Variants in SECISBP2L observed in about 807,000 individuals in gnomAD.
SECISBP2L encodes SECIS binding protein 2 like, also known as selenocysteine insertion sequence-binding protein 2-like.
A neutral mutation model predicts 114.7 loss-of-function variants in SECISBP2L; 43 were observed. The observed-to-expected ratio is 0.38, with a 90% CI of 0.29 to 0.48. The LOEUF (loss-of-function observed/expected upper bound fraction) is 0.48, where lower values mean the gene tolerates loss of function less well. Among genes scored for constraint, SECISBP2L ranks in the 20% least tolerant of loss-of-function variants. SECISBP2L has a pLI of 0.98. For synonymous variants in SECISBP2L, 451 were observed against 439.7 expected (o/e 1.03, Z -0.32); for missense variants, 1,136 against 1,301.1 (o/e 0.87, Z 1.95).
At chr15:48,996,753 T>G (rs947254430) in intron 16 of SECISBP2L, among the ~76,000 whole-genome samples, 167 bp from the exon 17 acceptor site, 2 of 152,244 alleles carry the variant, frequency 1.3e-5, no homozygotes, top group African/African-American at 4.8e-5. Flanking sequence ...CTCTGTAACT[T>G]ACATTTACTG....
chr15:49,028,969 C>CTGG (rs1213402356), intron 4 of SECISBP2L, among the ~76,000 whole-genome samples: 5 of 152,108 alleles, frequency 3.3e-5, no homozygotes, highest in Non-Finnish European at 7.4e-5. Flanking sequence ...AGCAATCCTT[C>CTGG]TACCTCAGCC....
intron 7 of SECISBP2L, among the ~76,000 whole-genome samples, chr15:49,025,068 C>A (rs1055893823): frequency 1.1e-4 from 16 of 152,152 alleles, no homozygotes; most frequent in African/African-American, 3.9e-4. Flanking sequence ...ACAGTCTCAA[C>A]AGAAAATTTC....
chr15:49,013,554 C>T (rs1052272899), intron 11 of SECISBP2L, among the ~76,000 whole-genome samples: 2 of 152,228 alleles, frequency 1.3e-5, no homozygotes, highest in Non-Finnish European at 2.9e-5. Context: ...GCTGGCCTCC[C>T]AAAGTGCTGG....
At chr15:49,000,031 A>C in intron 15 of SECISBP2L, 44 bp from the exon 16 acceptor site, 1 of 1,603,282 alleles carries the variant, frequency 6.2e-7, no homozygotes, top group Non-Finnish European at 8.5e-7. Flanking sequence ...TGTTGCCTAC[A>C]TGGAGCTAAT....
intron 7 of SECISBP2L, 135 bp downstream of exon 7, chr15:49,027,230 A>C (rs1401566595): frequency 2.8e-5 from 15 of 535,144 alleles, no homozygotes; most frequent in Admixed American, 3.1e-5. Flanking sequence ...TTATTAGCTA[A>C]GCCATTTTAA....
chr15:49,018,077 C>T (rs1902571489), intron 8 of SECISBP2L, among the ~76,000 whole-genome samples: 1 of 152,022 alleles, frequency 6.6e-6, no homozygotes, highest in South Asian at 2.1e-4. Context: ...TTAATATCTT[C>T]CTTTTTCCTG....
At chr15:48,997,638 G>T (rs1356899954) in intron 16 of SECISBP2L, among the ~76,000 whole-genome samples, 1 of 152,148 alleles carries the variant, frequency 6.6e-6, no homozygotes, top group Non-Finnish European at 1.5e-5. Context: ...CACCACTTTG[G>T]GAGGCCAAGG....
intron 7 of SECISBP2L, among the ~76,000 whole-genome samples, chr15:49,024,298 C>A (rs552167772): frequency 7.9e-5 from 12 of 152,136 alleles, no homozygotes; most frequent in Admixed American, 2.6e-4. Context: ...GAGTTTGAGA[C>A]CAGCCTGGCC....
intron 1 of SECISBP2L, chr15:49,042,192 T>C (rs1389405804): frequency 6.6e-6 from 1 of 152,212 alleles, no homozygotes; most frequent in Non-Finnish European, 1.5e-5. Context: ...TTTGATGGAG[T>C]TTCCCCTCTA....
chr15:49,007,107 C>G (rs1293707185), intron 14 of SECISBP2L, among the ~76,000 whole-genome samples: 2 of 152,144 alleles, frequency 1.3e-5, no homozygotes, highest in African/African-American at 4.8e-5. Context: ...CCCTTTTTGC[C>G]TGGGTATCAC....
At chr15:49,029,743 A>T (rs1468355610) in intron 4 of SECISBP2L, among the ~76,000 whole-genome samples, 1 of 152,180 alleles carries the variant, frequency 6.6e-6, no homozygotes, top group Non-Finnish European at 1.5e-5. Flanking sequence ...TACTTAATAG[A>T]CAGTTATACT....
chr15:49,017,651 T>C (rs771874481), intron 8 of SECISBP2L, 23 bp from the exon 9 acceptor site: 2 of 1,561,566 alleles, frequency 1.3e-6, no homozygotes, highest in Admixed American at 3.6e-5. Context: ...ACATTTTAAG[T>C]AAAAAGAGTT....
At chr15:48,996,076 C>G in intron 17 of SECISBP2L, 1 of 304,954 alleles carries the variant, frequency 3.3e-6, no homozygotes. Context: ...AATAAAACTT[C>G]CTAATGTTTA....
At chr15:49,027,606 TA>T (rs368639873) in intron 6 of SECISBP2L, 126 bp from the exon 7 acceptor site, 675 of 426,286 alleles carry the variant, frequency 1.6e-3, no homozygotes, top group Non-Finnish European at 2.2e-3. Context: ...CTATAAACCT[TA>T]TTATTTTTTT....
chr15:49,024,496 CA>C (rs72031518), intron 7 of SECISBP2L, among the ~76,000 whole-genome samples: 26,570 of 82,616 alleles, frequency 0.32, 2,864 homozygotes, highest in African/African-American at 0.48. Flanking sequence ...GACTCTGTCT[CA>C]AAAAAAAAAA....
chr15:49,030,240 T>C (rs11858917), intron 4 of SECISBP2L, among the ~76,000 whole-genome samples: 103,376 of 152,068 alleles, frequency 0.68, 35,632 homozygotes, highest in Middle Eastern at 0.75. Flanking sequence ...GAGTGGGTGT[T>C]CTGTACTTAG....
chr15:49,030,989 T>C (rs1034306828), intron 4 of SECISBP2L, among the ~76,000 whole-genome samples: 1 of 151,842 alleles, frequency 6.6e-6, no homozygotes, highest in Non-Finnish European at 1.5e-5. Context: ...ACTTTGAACA[T>C]GATATTTAGG....
chr15:49,030,993 AT>A (rs1737235704), intron 4 of SECISBP2L, among the ~76,000 whole-genome samples: 1 of 127,890 alleles, frequency 7.8e-6, no homozygotes, highest in Non-Finnish European at 1.7e-5. Context: ...TGAACATGAT[AT>A]TTAGGTTTTT....
chr15:49,007,588 T>C (rs113339283), intron 14 of SECISBP2L, among the ~76,000 whole-genome samples: 331 of 152,302 alleles, frequency 2.2e-3, no homozygotes, highest in African/African-American at 7.5e-3. Context: ...TAACCTAAGG[T>C]AAAGACTATC....
Sources: allele counts gnomAD v4.1 joint callset (sites outside exome capture counted in the v4.1 genomes callset), GRCh38; gene constraint gnomAD v4.1.1; transcripts MANE v1.5; gene names NCBI Gene and HGNC (gene_info 2026-07-23, HGNC 2026-07-21).